Variants in CERKL observed in about 807,000 individuals in gnomAD.
CERKL encodes ceramide kinase-like protein.
In CERKL, 61 loss-of-function variants were observed where a neutral mutation model predicts 63.4. The observed-to-expected ratio is 0.96, with a 90% CI of 0.78 to 1.19. The LOEUF (loss-of-function observed/expected upper bound fraction) is 1.19. CERKL is among the 50% of genes most tolerant of loss of function. The probability of loss-of-function intolerance (pLI) is 0.00; values close to 1 mark genes in which losing one functional copy is unlikely to be tolerated. For synonymous variants in CERKL, 250 were observed against 230.5 expected, an observed-to-expected ratio of 1.08 and a Z score of -0.77; for missense variants, 675 against 655.5, an observed-to-expected ratio of 1.03 and a Z score of -0.33.
rs374203863 is a variant in CERKL at position 181,577,453 on chromosome 2, GGTATGAAAT to G, written c.482-3578_482-3570del. Among the ~76,000 whole-genome samples, 1,097 of 152,232 alleles carry G rather than the reference GGTATGAAAT, an allele frequency of 7.2e-3. 12 individuals carry two copies. Among genetic ancestry groups the G allele is most frequent in the African/African-American group, 0.024 (995 of 41,538 alleles). On this transcript the variant is annotated intron_variant, in intron 2 of 12. Transcript: ENST00000410087. ...TATTGACAATATCTCCAGGACCAGTGGTATGAAATGTATGGCAGAGAAACCAGTTACCAC... is the reference window on the plus strand; with the variant it reads ...TATTGACAATATCTCCAGGACCAGTGGTATGGCAGAGAAACCAGTTACCAC...
chr2:181,622,222 T>A (rs1239834615), intron 1 of CERKL, among the ~76,000 whole-genome samples: 2 of 152,182 alleles, frequency 1.3e-5, no homozygotes, highest in African/African-American at 4.8e-5. Flanking sequence ...AAATCTACAC[T>A]AAAGTAGCCA....
At chr2:181,593,056 G>T (rs945983023) in intron 2 of CERKL, among the ~76,000 whole-genome samples, 2 of 152,086 alleles carry the variant, frequency 1.3e-5, no homozygotes, top group Non-Finnish European at 2.9e-5. Context: ...TTGAGTACCT[G>T]CTGCTTTGCA....
intron 2 of CERKL, among the ~76,000 whole-genome samples, chr2:181,602,242 G>A (rs1685486967): frequency 6.6e-6 from 1 of 152,160 alleles, no homozygotes; most frequent in Non-Finnish European, 1.5e-5. Context: ...TGGGAGAAGA[G>A]TTCCTCAGAC....
intron 1 of CERKL, among the ~76,000 whole-genome samples, chr2:181,613,803 A>G (rs1686074932): frequency 1.3e-5 from 2 of 152,204 alleles, no homozygotes; most frequent in African/African-American, 4.8e-5. Context: ...CATTTTGGCA[A>G]TATTAACCAT....
At chr2:181,639,887 T>C (rs983116626) in intron 1 of CERKL, among the ~76,000 whole-genome samples, 1 of 152,208 alleles carries the variant, frequency 6.6e-6, no homozygotes, top group Admixed American at 6.5e-5. Context: ...CAAATCTAAG[T>C]GTTCACTATT....
Position 181,565,550 on chromosome 2 carries a change from A to C in CERKL, c.677+508T>G, listed in dbSNP as rs370259053. 4.6e-6 allele frequency: 6 copies of C among 1,294,192 alleles called. No individual in the cohort carries two copies. The African/African-American group carries it at 8.7e-5, about 19-fold the overall frequency. 80.2% of individuals were successfully genotyped at this position (1,294,192 alleles called of 1,614,324 possible). ...CCTAAATTGTAGTCACTACATTATG[A>C]GATAATTAAAATTATTTCTTATTGT... On this transcript the variant is annotated intron_variant, in intron 4 of 12. Coordinates refer to ENST00000410087, the MANE Select transcript of CERKL (RefSeq NM_201548.5).
intron 3 of CERKL, among the ~76,000 whole-genome samples, chr2:181,570,528 C>T (rs1347124497): frequency 1.3e-5 from 2 of 152,056 alleles, no homozygotes; most frequent in Non-Finnish European, 2.9e-5. Flanking sequence ...GATTTGTGTA[C>T]GAATAGGTAA....
chr2:181,640,877 A>G (rs1395892724), intron 1 of CERKL, among the ~76,000 whole-genome samples: 1 of 151,770 alleles, frequency 6.6e-6, no homozygotes, highest in Non-Finnish European at 1.5e-5. Flanking sequence ...CAATGAACCC[A>G]CTCCTAGGGG....
chr2:181,652,852 G>A (rs1313701197), intron 1 of CERKL, among the ~76,000 whole-genome samples: 1 of 151,204 alleles, frequency 6.6e-6, no homozygotes, highest in Non-Finnish European at 1.5e-5. Flanking sequence ...TCGGCTCACT[G>A]CAATCTCCAC....
chr2:181,570,571 G>A (rs575882310), intron 3 of CERKL, among the ~76,000 whole-genome samples: 12 of 152,226 alleles, frequency 7.9e-5, no homozygotes, highest in East Asian at 3.9e-4. Flanking sequence ...AGGTTCTCCC[G>A]GAAGTTTTTC....
intron 1 of CERKL, among the ~76,000 whole-genome samples, chr2:181,614,140 T>C (rs1400503034): frequency 6.6e-6 from 1 of 152,198 alleles, no homozygotes; most frequent in Non-Finnish European, 1.5e-5. Flanking sequence ...GCCACTGGCT[T>C]CCTAGACTTG....
At chr2:181,552,803 T>C (rs1688043054) in intron 5 of CERKL, among the ~76,000 whole-genome samples, 1 of 152,102 alleles carries the variant, frequency 6.6e-6, no homozygotes, top group South Asian at 2.1e-4. Flanking sequence ...TACATACAAT[T>C]TTTGTCCATT....
chr2:181,617,991 T>A (rs566290432), intron 1 of CERKL, among the ~76,000 whole-genome samples: 27 of 152,356 alleles, frequency 1.8e-4, no homozygotes, highest in African/African-American at 6.5e-4. Context: ...AGATTTCAGC[T>A]GTCTTCTATT....
intron 1 of CERKL, chr2:181,649,819 CA>C (rs957380895): frequency 6.6e-6 from 1 of 152,212 alleles, no homozygotes; most frequent in Non-Finnish European, 1.5e-5. Context: ...TGCTTGAGCC[CA>C]GCAATTTGAG....
chr2:181,569,854 T>C (rs1688828140), intron 3 of CERKL, among the ~76,000 whole-genome samples: 1 of 152,154 alleles, frequency 6.6e-6, no homozygotes, highest in Non-Finnish European at 1.5e-5. Flanking sequence ...ACATTAACTC[T>C]AGTACATAAA....
At chr2:181,626,952 C>T (rs770626216) in intron 1 of CERKL, among the ~76,000 whole-genome samples, 2 of 152,198 alleles carry the variant, frequency 1.3e-5, no homozygotes, top group African/African-American at 4.8e-5. Flanking sequence ...ATGAGAGTAG[C>T]TGGATTTTCC....
intron 5 of CERKL, among the ~76,000 whole-genome samples, chr2:181,551,500 G>A (rs1258363103): frequency 6.6e-6 from 1 of 151,956 alleles, no homozygotes; most frequent in Admixed American, 6.6e-5. Context: ...AGTGGGCAAA[G>A]GATACGAACA....
At chr2:181,637,356 G>A (rs1464629645) in intron 1 of CERKL, among the ~76,000 whole-genome samples, 2 of 152,006 alleles carry the variant, frequency 1.3e-5, no homozygotes, top group South Asian at 2.1e-4. Flanking sequence ...CACTATTTGC[G>A]ATAACAAAAA....
At chr2:181,623,169 T>C (rs1686529895) in intron 1 of CERKL, among the ~76,000 whole-genome samples, 1 of 152,220 alleles carries the variant, frequency 6.6e-6, no homozygotes, top group Non-Finnish European at 1.5e-5. Flanking sequence ...TAGATTAAAA[T>C]AGTGATAATA....
Sources: gnomAD v4.1 joint callset for allele counts (sites outside exome capture counted in the v4.1 genomes callset) on GRCh38, gnomAD v4.1.1 for gene constraint, MANE v1.5 for transcripts, NCBI Gene and HGNC (gene_info 2026-07-23, HGNC 2026-07-21) for gene names.